Variants in CNTNAP5 observed in about 807,000 individuals in gnomAD.
CNTNAP5 encodes the protein contactin associated protein family member 5.
In CNTNAP5, 72 loss-of-function variants were observed where a neutral mutation model predicts 150.2. The ratio of observed to expected loss-of-function variants is 0.48; its 90% confidence interval spans 0.40 to 0.58. CNTNAP5 has a LOEUF of 0.58. CNTNAP5 is among the 20% of genes least tolerant of loss of function. The pLI is 0.00. For synonymous variants in CNTNAP5, 672 were observed against 619.8 expected (o/e 1.08, Z -1.25); for missense variants, 1,636 against 1,626.2 (o/e 1.01, Z -0.10).
intron 10 of CNTNAP5, among the ~76,000 whole-genome samples, chr2:124,552,467 CA>C (rs901880146): frequency 7.9e-5 from 12 of 152,168 alleles, no homozygotes; most frequent in Non-Finnish European, 1.8e-4. Flanking sequence ...GATATCTGAA[CA>C]TCTTCTTTTG....
At chr2:124,493,691 C>T (rs756081444) in intron 7 of CNTNAP5, among the ~76,000 whole-genome samples, 32 of 151,996 alleles carry the variant, frequency 2.1e-4, no homozygotes, top group Non-Finnish European at 4.1e-4. Context: ...TACACACATT[C>T]CTTCCTATGT....
intron 2 of CNTNAP5, among the ~76,000 whole-genome samples, chr2:124,230,743 A>G (rs1170618): frequency 0.39 from 59,064 of 151,652 alleles, 11,736 homozygotes; most frequent in East Asian, 0.6. Flanking sequence ...TATTGGTCAG[A>G]CTGGTGTTGA....
At chr2:124,218,043 A>G (rs1216587125) in intron 1 of CNTNAP5, among the ~76,000 whole-genome samples, 1 of 152,100 alleles carries the variant, frequency 6.6e-6, no homozygotes, top group Non-Finnish European at 1.5e-5. Context: ...AAAACAAACA[A>G]GTTTATTGTT....
chr2:124,571,027 T>C (rs1696141072), intron 11 of CNTNAP5, among the ~76,000 whole-genome samples: 2 of 152,230 alleles, frequency 1.3e-5, no homozygotes, highest in Non-Finnish European at 2.9e-5. Flanking sequence ...TAGCAATCAT[T>C]TCAAAGAAGT....
intron 1 of CNTNAP5, among the ~76,000 whole-genome samples, chr2:124,066,168 G>A (rs1238549933): frequency 6.6e-6 from 1 of 151,706 alleles, no homozygotes; most frequent in African/African-American, 2.4e-5. Context: ...TAATGGGTAG[G>A]GTGCCACCTG....
In CNTNAP5 at chr2:124,665,754, C is replaced by T. The variant is rs1214997534; in HGVS notation, c.2077+17796C>T. 5.3e-5 allele frequency among the ~76,000 whole-genome samples: 8 copies of T among 151,892 alleles called. No individual in the cohort carries two copies. The East Asian group carries it at 9.7e-4, about 18-fold the overall frequency. Reference sequence around the variant, plus strand: ...ACAAAAAATTAGCCGGGCGTGGTGGCGGGCACCTGTAGTCCCAGCTGCTTA... The same window carrying T: ...ACAAAAAATTAGCCGGGCGTGGTGGTGGGCACCTGTAGTCCCAGCTGCTTA... On this transcript the variant is annotated intron_variant, in intron 13 of 23. Transcript: ENST00000682447.
chr2:124,833,060 C>A (rs370292399), intron 19 of CNTNAP5, among the ~76,000 whole-genome samples: 1 of 151,904 alleles, frequency 6.6e-6, no homozygotes, highest in Non-Finnish European at 1.5e-5. Context: ...CAGATGGACA[C>A]CACCACTCCC....
intron 3 of CNTNAP5, among the ~76,000 whole-genome samples, chr2:124,247,849 CTG>C (rs1440491130): frequency 1.3e-5 from 2 of 152,140 alleles, no homozygotes; most frequent in African/African-American, 2.4e-5. Flanking sequence ...TAACACTTCT[CTG>C]TTTTAATTTT....
intron 20 of CNTNAP5, among the ~76,000 whole-genome samples, chr2:124,868,693 G>T (rs1410819226): frequency 6.6e-6 from 1 of 152,126 alleles, no homozygotes; most frequent in African/African-American, 2.4e-5. Context: ...GAGAACAGAG[G>T]AGGGTCGTTC....
rs974151146 is a variant in CNTNAP5 at position 124,915,062 on chromosome 2, A to G, written c.*774A>G. 4 of 159,886 alleles carry G rather than the reference A, an allele frequency of 2.5e-5. No individual in the cohort carries two copies. The highest frequency in any genetic ancestry group is 4.8e-5 in the African/African-American group (2 of 41,416). 9.9% of individuals were successfully genotyped at this position (159,886 alleles called of 1,614,324 possible). ...AAAGCTTCTAGGAAGTAGATGTTCCATATCTTCAAAATGCCTCCTCCAATT... is the reference window on the plus strand; with the variant it reads ...AAAGCTTCTAGGAAGTAGATGTTCCGTATCTTCAAAATGCCTCCTCCAATT... On this transcript the variant is annotated 3_prime_UTR_variant, in exon 24 of 24. Coordinates refer to ENST00000682447, the MANE Select transcript of CNTNAP5 (RefSeq NM_001367498.1).
intron 3 of CNTNAP5, among the ~76,000 whole-genome samples, chr2:124,267,786 T>C (rs1009273477): frequency 3.9e-5 from 6 of 152,076 alleles, no homozygotes; most frequent in African/African-American, 1.2e-4. Flanking sequence ...TTGGGAGAAT[T>C]TGGGGAAAAT....
At chr2:124,739,216 G>A (rs1680450409) in intron 13 of CNTNAP5, among the ~76,000 whole-genome samples, 1 of 152,094 alleles carries the variant, frequency 6.6e-6, no homozygotes, top group Non-Finnish European at 1.5e-5. Context: ...TTATAAAAAT[G>A]TTAATTCCTA....
At chr2:124,824,269 A>G (rs1290592368) in intron 19 of CNTNAP5, among the ~76,000 whole-genome samples, 1 of 151,938 alleles carries the variant, frequency 6.6e-6, no homozygotes, top group Non-Finnish European at 1.5e-5. Flanking sequence ...CCATCTGGGG[A>G]GTCATCCTCC....
intron 1 of CNTNAP5, among the ~76,000 whole-genome samples, chr2:124,214,895 C>T (rs1298112833): frequency 2.0e-5 from 3 of 152,142 alleles, no homozygotes; most frequent in Non-Finnish European, 4.4e-5. Flanking sequence ...AGAGAAGACT[C>T]GGCCTTCCTT....
chr2:124,786,428 AAGGAAGGAAGGAAGGAAG>A (rs1558775169), intron 17 of CNTNAP5, among the ~76,000 whole-genome samples: 12 of 119,818 alleles, frequency 1.0e-4, no homozygotes, highest in African/African-American at 3.3e-4. Flanking sequence ...GGAAGGAAGG[AAGGAAGGAAGGAAGGAAG>A]GAAAGAAAGA....
intron 1 of CNTNAP5, among the ~76,000 whole-genome samples, chr2:124,123,753 G>A (rs1573770821): frequency 6.6e-6 from 1 of 152,142 alleles, no homozygotes; most frequent in East Asian, 1.9e-4. Context: ...TGCAATATTT[G>A]CGGTTCTGCA....
chr2:124,283,978 T>C (rs369655803), intron 3 of CNTNAP5, among the ~76,000 whole-genome samples: 22 of 152,310 alleles, frequency 1.4e-4, no homozygotes, highest in African/African-American at 5.3e-4. Flanking sequence ...AAGACACAAT[T>C]ATTGAGACCA....
chr2:124,246,126 A>C (rs540776416), intron 3 of CNTNAP5, among the ~76,000 whole-genome samples: 1 of 152,278 alleles, frequency 6.6e-6, no homozygotes, highest in Non-Finnish European at 1.5e-5. Context: ...AGTGCTCTTT[A>C]AAATTGATTT....
chr2:124,716,469 C>A (rs920798271), intron 13 of CNTNAP5, among the ~76,000 whole-genome samples: 1 of 151,796 alleles, frequency 6.6e-6, no homozygotes, highest in Admixed American at 6.6e-5. Flanking sequence ...AGTAATAGTA[C>A]AAGCTATAAC....
Sources: allele counts gnomAD v4.1 joint callset (sites outside exome capture counted in the v4.1 genomes callset), GRCh38; gene constraint gnomAD v4.1.1; transcripts MANE v1.5; gene names NCBI Gene and HGNC (gene_info 2026-07-23, HGNC 2026-07-21).